CNTNAP2: variants seen among roughly 807,000 people sequenced by gnomAD.
CNTNAP2 encodes contactin associated protein 2.
CNTNAP2 carries 98 observed loss-of-function variants against 155.2 expected under a neutral mutation model. That is an observed-to-expected ratio of 0.63 (90% CI 0.54 to 0.75). The LOEUF is 0.75. Among genes scored for constraint, CNTNAP2 ranks in the 30% least tolerant of loss-of-function variants. CNTNAP2 has a pLI of 0.00. For missense variants in CNTNAP2, 1,727 were observed against 1,688.1 expected, an observed-to-expected ratio of 1.02 and a Z score of -0.40; for synonymous variants, 651 against 631.2, an observed-to-expected ratio of 1.03 and a Z score of -0.47.
At chr7:146,640,012 G>A (rs889500530) in intron 1 of CNTNAP2, among the ~76,000 whole-genome samples, 4 of 152,322 alleles carry the variant, frequency 2.6e-5, no homozygotes, top group African/African-American at 9.6e-5. Flanking sequence ...AGAGTATAAG[G>A]AAGTCTTCCT....
At chr7:146,469,339 T>A (rs1302875002) in intron 1 of CNTNAP2, among the ~76,000 whole-genome samples, 1 of 151,518 alleles carries the variant, frequency 6.6e-6, no homozygotes, top group Non-Finnish European at 1.5e-5. Context: ...TCCCAGAGAC[T>A]GCTCCCCAAA....
chr7:146,697,454 G>T (rs938776640), intron 1 of CNTNAP2, among the ~76,000 whole-genome samples: 3 of 152,096 alleles, frequency 2.0e-5, no homozygotes, highest in Admixed American at 1.3e-4. Flanking sequence ...GGCCAGGCTG[G>T]TCTCAAACTC....
chr7:146,204,037 T>A (rs1798907234), intron 1 of CNTNAP2, among the ~76,000 whole-genome samples: 1 of 152,152 alleles, frequency 6.6e-6, no homozygotes, highest in Non-Finnish European at 1.5e-5. Flanking sequence ...ATAGCATTAG[T>A]TTTAATATAT....
chr7:146,150,549 T>C (rs918069734), intron 1 of CNTNAP2, among the ~76,000 whole-genome samples: 4 of 152,034 alleles, frequency 2.6e-5, no homozygotes, highest in Non-Finnish European at 5.9e-5. Flanking sequence ...TATATCTTTG[T>C]AGATTTTTTA....
At chr7:147,076,791 T>G (rs559722084) in intron 4 of CNTNAP2, among the ~76,000 whole-genome samples, 1 of 152,318 alleles carries the variant, frequency 6.6e-6, no homozygotes, top group South Asian at 2.1e-4. Context: ...TCTACTTTAA[T>G]AGACGTTCTG....
chr7:146,716,238 G>A (rs965719500), intron 1 of CNTNAP2, among the ~76,000 whole-genome samples: 4 of 147,012 alleles, frequency 2.7e-5, no homozygotes, highest in Admixed American at 2.7e-4. Context: ...AAAAAGGCAT[G>A]TTTTGGGGTC....
intron 13 of CNTNAP2, among the ~76,000 whole-genome samples, chr7:147,668,133 C>G (rs145657811): frequency 1.2e-3 from 179 of 152,122 alleles, no homozygotes; most frequent in African/African-American, 4.2e-3. Context: ...GAACATATAG[C>G]TGAAGAAGAG....
chr7:146,116,974 G>A lies in CNTNAP2; in HGVS notation c.97+1G>A, dbSNP rs972116002. 4 of 1,550,360 alleles carry A rather than the reference G, an allele frequency of 2.6e-6. No individual in the cohort carries two copies. The highest frequency in any genetic ancestry group is 3.5e-6 in the Non-Finnish European group (4 of 1,146,488). ...GCCTGGACGGCTCCCTCCACGTCCC[G>A]TAAGTAGCCGTCTCCTCGCTCTGCT... On this transcript the variant is annotated splice_donor_variant, in intron 1 of 23. Coordinates refer to ENST00000361727, the MANE Select transcript of CNTNAP2 (RefSeq NM_014141.6). LOFTEE classifies it high-confidence loss of function. This position sits in a 1 kb window ranked among gnomAD's most constrained non-coding sequence, Gnocchi z 5.5.
At chr7:147,540,383 C>T (rs1799617128) in intron 11 of CNTNAP2, among the ~76,000 whole-genome samples, 1 of 152,172 alleles carries the variant, frequency 6.6e-6, no homozygotes, top group South Asian at 2.1e-4. Flanking sequence ...AGAAAGTCAC[C>T]TCTAACCCAG....
chr7:147,559,063 A>G (rs1306681318), intron 11 of CNTNAP2, among the ~76,000 whole-genome samples: 2 of 151,808 alleles, frequency 1.3e-5, no homozygotes, highest in Non-Finnish European at 2.9e-5. Flanking sequence ...GTCTGTAGAG[A>G]TGGGGTCTCA....
At chr7:147,143,720 G>T (rs1801645546) in intron 8 of CNTNAP2, among the ~76,000 whole-genome samples, 1 of 152,112 alleles carries the variant, frequency 6.6e-6, no homozygotes, top group Admixed American at 6.6e-5. Context: ...AGGCTAATGT[G>T]TGTGAAATTG....
chr7:148,221,738 C>T lies in CNTNAP2; in HGVS notation c.3247+4214C>T, dbSNP rs151128595. Among the ~76,000 whole-genome samples the T allele has an allele frequency of 2.6e-5, 4 of 152,310 alleles. No homozygotes were observed. The East Asian group carries it at 7.7e-4, about 29-fold the overall frequency. ...TCTGCTCACTGTCCTCCAGAACCAG[C>T]TGCCCCCAGCACCACCACTGCCCAT... is the stretch of plus-strand genomic sequence containing the variant. On this transcript the variant is annotated intron_variant, in intron 19 of 23. Transcript: ENST00000361727.
At chr7:147,910,787 A>C (rs540364969) in intron 14 of CNTNAP2, among the ~76,000 whole-genome samples, 1 of 152,270 alleles carries the variant, frequency 6.6e-6, no homozygotes, top group African/African-American at 2.4e-5. Context: ...CCCATGATTC[A>C]ATTATCTCCA....
chr7:148,383,826 C>T lies in CNTNAP2; in HGVS notation c.3653C>T (p.Pro1218Leu), dbSNP rs758768018. ...ELVESNCGAS[P>L]LTLSPMSSAT... ...GTGGAGTCCAACTGCGGGGCCTCGC[C>T]GCTGACCCTCTCCCCCATGTCGTCC... is the stretch of plus-strand genomic sequence containing the variant. Residue 1218 changes from proline (P) to leucine (L), a missense_variant, in exon 22 of 24, where the codon CCG becomes CTG. Pro to Leu is a moderately conservative substitution (Grantham distance 98). Transcript: ENST00000361727. 47 of 1,613,994 alleles carry T rather than the reference C, an allele frequency of 2.9e-5. No homozygotes were observed. Among genetic ancestry groups the T allele is most frequent in the South Asian group, 1.6e-4 (15 of 91,082 alleles).
chr7:146,660,739 A>C (rs1417039654), intron 1 of CNTNAP2, among the ~76,000 whole-genome samples: 1 of 152,170 alleles, frequency 6.6e-6, no homozygotes, highest in Non-Finnish European at 1.5e-5. Context: ...CCTCATTATG[A>C]CTTAAGGGCT....
chr7:146,281,664 G>T (rs569135910), intron 1 of CNTNAP2, among the ~76,000 whole-genome samples: 1 of 151,864 alleles, frequency 6.6e-6, no homozygotes. Flanking sequence ...GTGTGGTGGC[G>T]CATTCCTGTT....
chr7:146,869,700 T>C (rs1361669697), intron 3 of CNTNAP2, among the ~76,000 whole-genome samples: 1 of 151,990 alleles, frequency 6.6e-6, no homozygotes, highest in African/African-American at 2.4e-5. Context: ...ACCAAAGAAC[T>C]TGGGGTCTGA....
intron 16 of CNTNAP2, among the ~76,000 whole-genome samples, chr7:148,140,818 A>T (rs1347843735): frequency 6.6e-6 from 1 of 152,238 alleles, no homozygotes; most frequent in African/African-American, 2.4e-5. Flanking sequence ...AAATGAAGAC[A>T]TGCTTACCAG....
At chr7:146,570,790 A>T (rs1798429862) in intron 1 of CNTNAP2, among the ~76,000 whole-genome samples, 1 of 152,014 alleles carries the variant, frequency 6.6e-6, no homozygotes, top group Non-Finnish European at 1.5e-5. Flanking sequence ...CCTATCAGCA[A>T]TGATTAGTAT....
Sources: gnomAD v4.1 joint callset for allele counts (sites outside exome capture counted in the v4.1 genomes callset) on GRCh38, gnomAD v4.1.1 for gene constraint, Gnocchi (gnomAD v3.1) non-coding constraint, MANE v1.5 for transcripts, NCBI Gene and HGNC (gene_info 2026-07-23, HGNC 2026-07-21) for gene names.